Variants in TMEM120B observed in about 807,000 individuals in gnomAD.
The protein encoded by TMEM120B is transmembrane protein 120B.
TMEM120B carries 31 observed loss-of-function variants against 55.5 expected under a neutral mutation model. That is an observed-to-expected ratio of 0.56 (90% CI 0.42 to 0.75). The LOEUF (loss-of-function observed/expected upper bound fraction) is 0.75. Ranked by LOEUF, TMEM120B falls within the 30% of genes least tolerant of loss-of-function variation. The probability of loss-of-function intolerance (pLI) is 0.00; values close to 1 mark genes in which losing one functional copy is unlikely to be tolerated. For missense variants in TMEM120B, 399 were observed against 425.5 expected (o/e 0.94, Z 0.55); for synonymous variants, 203 against 176.3 (o/e 1.15, Z -1.20).
In TMEM120B at chr12:121,779,280, C is replaced by T. The variant is rs1874351925; in HGVS notation, c.*3558C>T. On this transcript the variant is annotated 3_prime_UTR_variant, in exon 12 of 12. Coordinates refer to ENST00000449592, the MANE Select transcript of TMEM120B (RefSeq NM_001080825.2). ...TCCCGACAACAGACACTGGCTCCTG[C>T]ACCCACATCACCACCATGTCCCAGG... 1 of 590,032 alleles carries T rather than the reference C, an allele frequency of 1.7e-6. No homozygotes were observed. The highest frequency in any genetic ancestry group is 3.0e-5 in the Admixed American group (1 of 33,420). The allele number at this position is 590,032 out of a possible 1,614,324, so 36.5% of individuals were successfully genotyped here.
In TMEM120B at chr12:121,752,116, C is replaced by T; in HGVS notation, c.366-12C>T. On this transcript the variant is annotated splice_polypyrimidine_tract_variant and intron_variant, in intron 4 of 11. Transcript: ENST00000449592. ...GTAAGGGGCACACCCCTGGGCGTGTCTGTCGTGGCAGGTTCGCCTACAAGG... is the reference window on the plus strand; with the variant it reads ...GTAAGGGGCACACCCCTGGGCGTGTTTGTCGTGGCAGGTTCGCCTACAAGG... 1 of 1,612,078 alleles carries T rather than the reference C, an allele frequency of 6.2e-7. No individual in the cohort carries two copies. Among genetic ancestry groups the T allele is most frequent in the East Asian group, 2.2e-5 (1 of 44,872 alleles).
chr12:121,743,054 G>A (rs538309112), intron 1 of TMEM120B, among the ~76,000 whole-genome samples: 3 of 152,292 alleles, frequency 2.0e-5, no homozygotes, highest in South Asian at 4.1e-4. Flanking sequence ...CCAGCACTGG[G>A]GCGAAGTCTC....
chr12:121,770,973 G>T lies in TMEM120B; in HGVS notation c.617+1G>T. On this transcript the variant is annotated splice_donor_variant, in intron 7 of 11. Coordinates refer to ENST00000449592, the MANE Select transcript of TMEM120B (RefSeq NM_001080825.2). LOFTEE classifies it high-confidence loss of function. ...TCCTGTCCGGAGTGATGCTGACCTG[G>T]TGAGTAGCCCCTCGCTGGGCCCCTC... The T allele has an allele frequency of 6.2e-7, 1 of 1,613,850 alleles. No individual in the cohort carries two copies.
At position 121,770,861 on chromosome 12, in the gene TMEM120B, G is replaced by T. The variant is rs79944789; in HGVS notation, c.552-46G>T. ...GGGCCTCAGCGAGACACATGCCTGC[G>T]TTGCTCTCCCCTCCTGAGCACTTTC... On this transcript the variant is annotated intron_variant, in intron 6 of 11. Coordinates refer to ENST00000449592, the MANE Select transcript of TMEM120B (RefSeq NM_001080825.2). 1,634 of 1,583,440 alleles carry T rather than the reference G, an allele frequency of 1.0e-3. 19 individuals carry two copies. The African/African-American group carries it at 0.019, about 19-fold the overall frequency.
Position 121,771,512 on chromosome 12 carries a change from G to C in TMEM120B, c.642G>C (p.Lys214Asn). 4 of 1,614,076 alleles carry C rather than the reference G, an allele frequency of 2.5e-6. No homozygotes were observed. The highest frequency in any genetic ancestry group is 3.4e-6 in the Non-Finnish European group (4 of 1,180,006). ...GGCCTAATGGACCCATTTATCAGAA[G>C]TTTCGCAACCAGTTCTTAGCATTTT... ...LTWPNGPIYQ[K>N]FRNQFLAFSI... Residue 214 changes from lysine to asparagine, a missense_variant, in exon 8 of 12, where the codon AAG becomes AAC. Physicochemically the swap from Lys to Asn is moderately conservative, Grantham distance 94 (BLOSUM62 0). Around this residue, in one of 3 missense-constraint regions of TMEM120B, gnomAD observed 260 missense variants for 303.9 expected, o/e 0.86. Coordinates refer to ENST00000449592, the MANE Select transcript of TMEM120B (RefSeq NM_001080825.2).
rs778076286 is a variant in TMEM120B at position 121,776,107 on chromosome 12, C to G, written c.*385C>G. ...CTCGCGGGGTTGGATTTATGCTGAC[C>G]TGCTACTTACCAGGCCCAGGCTGGG... On this transcript the variant is annotated 3_prime_UTR_variant, in exon 12 of 12. Coordinates refer to ENST00000449592, the MANE Select transcript of TMEM120B (RefSeq NM_001080825.2). The G allele has an allele frequency of 3.7e-5, 18 of 488,192 alleles. No homozygotes were observed. The highest frequency in any genetic ancestry group is 6.5e-5 in the Non-Finnish European group (18 of 278,402). The allele number at this position is 488,192 out of a possible 1,614,324, so 30.2% of individuals were successfully genotyped here. A position where few individuals can be genotyped will look rare whatever the true frequency, so the allele number is the denominator to read the frequency against.
At chr12:121,742,668 C>T (rs1443588406) in intron 1 of TMEM120B, among the ~76,000 whole-genome samples, 2 of 150,570 alleles carry the variant, frequency 1.3e-5, no homozygotes, top group Non-Finnish European at 3.0e-5. Context: ...TCACTGCAAC[C>T]TCCGCCCCCT....
intron 8 of TMEM120B, among the ~76,000 whole-genome samples, chr12:121,771,982 T>G (rs919146850): frequency 6.6e-5 from 10 of 152,152 alleles, no homozygotes; most frequent in African/African-American, 2.2e-4. Context: ...CCAACCTGTT[T>G]GTTCCCTTTA....
rs1049833160 is a variant in TMEM120B, at chr12:121,712,944, G to A, written c.49G>A (p.Gly17Arg). 7 of 1,543,020 alleles carry A rather than the reference G, an allele frequency of 4.5e-6. No individual in the cohort carries two copies. The South Asian group carries it at 8.5e-5, about 19-fold the overall frequency. Residue 17 changes from glycine to arginine, a missense_variant, in exon 1 of 12, where the codon GGA becomes AGA. By Grantham distance (125) the Gly-to-Arg change is moderately radical. This residue lies in a region of TMEM120B where 133 missense variants were observed against 104.1 expected (regional missense o/e 1.28). Coordinates refer to ENST00000449592, the MANE Select transcript of TMEM120B (RefSeq NM_001080825.2). ...RCEREWHELE[G>R]EFQELQETHR... ...CGAGCGCGAATGGCACGAGCTGGAGGGAGAATTTCAAGAACTGCAGGTAGG... is the reference window on the plus strand; with the variant it reads ...CGAGCGCGAATGGCACGAGCTGGAGAGAGAATTTCAAGAACTGCAGGTAGG...
At position 121,773,767 on chromosome 12, in the gene TMEM120B, T is replaced by TACACACACACACACACACACACAC. The variant is rs139459284; in HGVS notation, c.772+265_772+266insCACACACACACACACACACACACA. Among the ~76,000 whole-genome samples the TACACACACACACACACACACACAC allele has an allele frequency of 1.2e-3, 188 of 151,376 alleles. 1 individual carries two copies. The highest frequency in any genetic ancestry group is 4.3e-3 in the African/African-American group (177 of 41,060). On this transcript the variant is annotated intron_variant, in intron 9 of 11. Coordinates refer to ENST00000449592, the MANE Select transcript of TMEM120B (RefSeq NM_001080825.2). ...CTATTTTTTTGTGTGTGTTCTAGAATACACACACACAAATTAGCCATTTGT... is the reference window on the plus strand; with the variant it reads ...CTATTTTTTTGTGTGTGTTCTAGAATACACACACACACACACACACACACACACACACACAAATTAGCCATTTGT...
chr12:121,774,826 GC>G, intron 10 of TMEM120B, 104 bp downstream of exon 10: 1 of 1,409,980 alleles, frequency 7.1e-7, no homozygotes, highest in Non-Finnish European at 9.7e-7. Context: ...CCATGCTGGG[GC>G]CCACAGCATC....
At chr12:121,751,967 C>G (rs1321141992) in intron 4 of TMEM120B, among the ~76,000 whole-genome samples, 161 bp from the exon 5 acceptor site, 1 of 152,198 alleles carries the variant, frequency 6.6e-6, no homozygotes, top group Non-Finnish European at 1.5e-5. Context: ...TTGGTCACCA[C>G]TAACCCGTCA....
rs1409933131 is a variant in TMEM120B, at chr12:121,781,126, TAGC to T, written c.*5407_*5409del. 1 of 1,614,148 alleles carries T rather than the reference TAGC, an allele frequency of 6.2e-7. No individual in the cohort carries two copies. Among genetic ancestry groups the T allele is most frequent in the Non-Finnish European group, 8.5e-7 (1 of 1,179,990 alleles). On this transcript the variant is annotated 3_prime_UTR_variant, in exon 12 of 12. Transcript: ENST00000449592. ...GTAGCTGGTGGGATTCATGACGTCA[TAGC>T]AGATGAGCACGAGGTGGGTGTTCTG...
chr12:121,748,985 A>G lies in TMEM120B; in HGVS notation c.305+543A>G, dbSNP rs558600710. 6.6e-5 allele frequency among the ~76,000 whole-genome samples: 10 copies of G among 152,178 alleles called. No individual in the cohort carries two copies. The East Asian group carries it at 1.7e-3, about 26-fold the overall frequency. Reference sequence around the variant, plus strand: ...CCCTCCCTTAAGTGATGTCATTGCCACCTTGTTCTGGAGAGAGAGAGCTGC... The same window carrying G: ...CCCTCCCTTAAGTGATGTCATTGCCGCCTTGTTCTGGAGAGAGAGAGCTGC... On this transcript the variant is annotated intron_variant, in intron 3 of 11. Coordinates refer to ENST00000449592, the MANE Select transcript of TMEM120B (RefSeq NM_001080825.2).
intron 2 of TMEM120B, among the ~76,000 whole-genome samples, chr12:121,746,926 C>A (rs994781570): frequency 3.8e-4 from 57 of 151,700 alleles, no homozygotes; most frequent in African/African-American, 1.3e-3. Context: ...CCACTGCACT[C>A]CAGCCTGGGC....
At chr12:121,751,716 G>A (rs929727896) in intron 4 of TMEM120B, among the ~76,000 whole-genome samples, 8 of 134,032 alleles carry the variant, frequency 6.0e-5, no homozygotes, top group Admixed American at 3.5e-4. Flanking sequence ...TTCCCATTTC[G>A]CACAAGAAAT....
At chr12:121,727,861 G>C in intron 1 of TMEM120B, among the ~76,000 whole-genome samples, 1 of 114,614 alleles carries the variant, frequency 8.7e-6, no homozygotes, top group South Asian at 3.2e-4. Context: ...GCGACAGAGC[G>C]ACACTCCATC....
intron 5 of TMEM120B, among the ~76,000 whole-genome samples, chr12:121,753,635 C>G (rs1457285554): frequency 6.6e-6 from 1 of 150,918 alleles, no homozygotes; most frequent in Non-Finnish European, 1.5e-5. Flanking sequence ...TCTGAATATA[C>G]TAAAAATCAC....
intron 1 of TMEM120B, among the ~76,000 whole-genome samples, chr12:121,725,930 A>G (rs1894880151): frequency 6.6e-6 from 1 of 150,710 alleles, no homozygotes; most frequent in Non-Finnish European, 1.5e-5. Flanking sequence ...CCAGCTACTG[A>G]GGAGGCTGAG....
Sources: gnomAD v4.1 joint callset for allele counts (sites outside exome capture counted in the v4.1 genomes callset) on GRCh38, gnomAD v4.1.1 for gene constraint, gnomAD v4.1.1 regional missense constraint, MANE v1.5 for transcripts, NCBI Gene and HGNC (gene_info 2026-07-23, HGNC 2026-07-21) for gene names.